The following CERS4 variants were observed in gnomAD, a reference collection of about 807,000 sequenced individuals.
The protein encoded by CERS4 is ceramide synthase 4, also known as LAG1 homolog, ceramide synthase 4.
A neutral mutation model predicts 51.8 loss-of-function variants in CERS4; 65 were observed. That is an observed-to-expected ratio of 1.26 (90% CI 1.03 to 1.54). The LOEUF is 1.54. CERS4 is among the 40% of genes most tolerant of loss of function. The pLI, the probability that CERS4 is intolerant of heterozygous loss-of-function variation, is 0.00. For synonymous variants in CERS4, 228 were observed against 208.4 expected (o/e 1.09, Z -0.81); for missense variants, 563 against 500.4 (o/e 1.13, Z -1.19).
Position 8,210,139 on chromosome 19 carries a change from G to A in CERS4, c.-158-567G>A, listed in dbSNP as rs1023886449. On this transcript the variant is annotated intron_variant, in intron 1 of 11. Transcript: ENST00000251363. This position sits in a 1 kb window ranked among gnomAD's most constrained non-coding sequence, Gnocchi z 4.2. ...CGGGGCCTGGGAAGCGGCGAGGAGA[G>A]TGTGGAACCCGTTCTCGGGGCGGTG... Among the ~76,000 whole-genome samples, 12 of 152,192 alleles carry A rather than the reference G, an allele frequency of 7.9e-5. No individual in the cohort carries two copies. Among genetic ancestry groups the A allele is most frequent in the Non-Finnish European group, 1.8e-4 (12 of 68,030 alleles).
At chr19:8,243,179 G>A (rs2075528041) in intron 2 of CERS4, among the ~76,000 whole-genome samples, 1 of 101,492 alleles carries the variant, frequency 9.9e-6, no homozygotes, top group Non-Finnish European at 1.8e-5. Context: ...GGGTGACAAA[G>A]TGAGACCCTG....
intron 2 of CERS4, among the ~76,000 whole-genome samples, chr19:8,223,387 G>A (rs575761164): frequency 1.3e-5 from 2 of 152,056 alleles, no homozygotes; most frequent in South Asian, 4.2e-4. Context: ...AGGCTGAGAG[G>A]TGGGAGGATC....
chr19:8,224,183 C>CG (rs1967685383), intron 2 of CERS4, among the ~76,000 whole-genome samples: 1 of 146,680 alleles, frequency 6.8e-6, no homozygotes, highest in African/African-American at 2.5e-5. Flanking sequence ...CCAAGGCGGG[C>CG]GGATCACGAG....
At position 8,235,633 on chromosome 19, in the gene CERS4, AT is replaced by A. The variant is rs760773863; in HGVS notation, c.-1-15442del. On this transcript the variant is annotated intron_variant, in intron 2 of 11. Coordinates refer to ENST00000251363, the MANE Select transcript of CERS4 (RefSeq NM_024552.3). Reference sequence around the variant, plus strand: ...CTGGGTGTGGTGGCTCATGCCTATAATCCCAGCACTTTGGGATGCCGAGGTG... The same window carrying A: ...CTGGGTGTGGTGGCTCATGCCTATAACCCAGCACTTTGGGATGCCGAGGTG... 1.6e-3 allele frequency among the ~76,000 whole-genome samples: 241 copies of A among 151,942 alleles called. 1 individual carries two copies. Among genetic ancestry groups the A allele is most frequent in the Non-Finnish European group, 2.0e-3 (138 of 67,946 alleles).
intron 10 of CERS4, among the ~76,000 whole-genome samples, chr19:8,259,441 G>A (rs1752348722): frequency 6.6e-6 from 1 of 152,164 alleles, no homozygotes; most frequent in South Asian, 2.1e-4. Flanking sequence ...GAGGGCTGTG[G>A]GCAGGACTTT....
chr19:8,250,531 A>C (rs1171075223), intron 2 of CERS4: 1 of 152,408 alleles, frequency 6.6e-6, no homozygotes, highest in Non-Finnish European at 1.5e-5. Flanking sequence ...ATCTCGGCTC[A>C]CTGCAACCTC....
At chr19:8,240,810 C>T (rs1393312244) in intron 2 of CERS4, among the ~76,000 whole-genome samples, 1 of 152,156 alleles carries the variant, frequency 6.6e-6, no homozygotes, top group African/African-American at 2.4e-5. Flanking sequence ...CTCACTCAGA[C>T]CCCTGAAGAG....
intron 2 of CERS4, among the ~76,000 whole-genome samples, chr19:8,235,025 T>C (rs1293674552): frequency 1.4e-5 from 2 of 147,310 alleles, no homozygotes; most frequent in African/African-American, 5.2e-5. Flanking sequence ...TTTTTTTTTT[T>C]CAGACAGAGT....
At position 8,261,853 on chromosome 19, in the gene CERS4, G is replaced by C; in HGVS notation, c.1005+9G>C. On this transcript the variant is annotated intron_variant, in intron 11 of 11. Coordinates refer to ENST00000251363, the MANE Select transcript of CERS4 (RefSeq NM_024552.3). ...TCATGAAGAAGGGCCAGGTATGGCT[G>C]GACCTCCCCGGGGGCCCCAGCCCTA... 6.2e-7 allele frequency: 1 copy of C among 1,614,022 alleles called. No individual in the cohort carries two copies. The highest frequency in any genetic ancestry group is 8.5e-7 in the Non-Finnish European group (1 of 1,179,896).
intron 3 of CERS4, among the ~76,000 whole-genome samples, chr19:8,253,449 C>A (rs1024079295): frequency 1.4e-5 from 1 of 74,060 alleles, no homozygotes; most frequent in South Asian, 3.8e-4. Context: ...GTCCAGCTGC[C>A]TTTTTTTTTT....
At chr19:8,261,484 C>CGT (rs1367562821) in intron 10 of CERS4, 10 of 596,180 alleles carry the variant, frequency 1.7e-5, no homozygotes, top group Non-Finnish European at 2.7e-5. Flanking sequence ...TCAGGGAGCT[C>CGT]GTGTGTGTGT....
At chr19:8,236,052 T>C (rs1170477361) in intron 2 of CERS4, among the ~76,000 whole-genome samples, 1 of 151,912 alleles carries the variant, frequency 6.6e-6, no homozygotes, top group Non-Finnish European at 1.5e-5. Context: ...AAAAATTAGC[T>C]GGGCATGGTG....
intron 2 of CERS4, among the ~76,000 whole-genome samples, chr19:8,233,968 T>C (rs1322249562): frequency 6.6e-6 from 1 of 150,756 alleles, no homozygotes; most frequent in Non-Finnish European, 1.5e-5. Flanking sequence ...TGCAGTTAGA[T>C]AGCACCACTG....
rs562890195 is a variant in CERS4, at chr19:8,257,073, T to C, written c.737T>C (p.Leu246Pro). The change falls in exon 9 of 12, where the codon CTG (leucine) becomes CCG (proline). Residue 246 changes from leucine to proline, a missense_variant. Physicochemically the swap from Leu to Pro is moderately conservative, Grantham distance 98. Coordinates refer to ENST00000251363, the MANE Select transcript of CERS4 (RefSeq NM_024552.3). ...TTACACGATTCCTCTGACTACCTGC[T>C]GGAGGTGGGCCCGACCCCTGCCTGA... ...LLLHDSSDYL[L>P]EACKMVNYMQ... is the part of the protein sequence containing the mutation. The C allele has an allele frequency of 1.3e-5, 21 of 1,598,720 alleles. No individual in the cohort carries two copies. The South Asian group carries it at 1.5e-4, about 11-fold the overall frequency.
Position 8,256,427 on chromosome 19 carries a change from T to A in CERS4, c.519+141T>A, listed in dbSNP as rs1011128056. ...CACGCTCTTTGATTCCTCTGGGGAA[T>A]AGAGAGGGGCCAGAAAACCAAGCAG... On this transcript the variant is annotated intron_variant, in intron 7 of 11. Transcript: ENST00000251363. 5.8e-6 allele frequency: 6 copies of A among 1,028,118 alleles called. No individual in the cohort carries two copies. In the East Asian group the frequency reaches 1.6e-4, roughly 28 times the overall value. The allele number at this position is 1,028,118 out of a possible 1,614,324, so 63.7% of individuals were successfully genotyped here. A position where few individuals can be genotyped will look rare whatever the true frequency, so the allele number is the denominator to read the frequency against.
intron 2 of CERS4, among the ~76,000 whole-genome samples, chr19:8,249,061 T>C (rs940418463): frequency 1.5e-5 from 2 of 134,566 alleles, no homozygotes; most frequent in African/African-American, 3.5e-5. Context: ...GATAGGTGGA[T>C]GATGAATAAT....
intron 9 of CERS4, among the ~76,000 whole-genome samples, chr19:8,257,382 C>T (rs988463752): frequency 3.9e-5 from 6 of 152,252 alleles, no homozygotes; most frequent in Admixed American, 6.5e-5. Flanking sequence ...CCCTGCCCCT[C>T]TCAGCTCCCT....
intron 2 of CERS4, among the ~76,000 whole-genome samples, chr19:8,247,334 C>T (rs1363191237): frequency 6.6e-6 from 1 of 152,082 alleles, no homozygotes. Flanking sequence ...CAGGCATGGT[C>T]CTGCCTCAGG....
chr19:8,228,493 G>T (rs1289165972), intron 2 of CERS4, among the ~76,000 whole-genome samples: 2 of 152,002 alleles, frequency 1.3e-5, no homozygotes, highest in African/African-American at 4.8e-5. Flanking sequence ...TGGCCAGCAT[G>T]GCGAAACCCC....
Sources: gnomAD v4.1 joint callset for allele counts (sites outside exome capture counted in the v4.1 genomes callset) on GRCh38, gnomAD v4.1.1 for gene constraint, Gnocchi (gnomAD v3.1) non-coding constraint, MANE v1.5 for transcripts, NCBI Gene and HGNC (gene_info 2026-07-23, HGNC 2026-07-21) for gene names.